The following COA6 variants were observed in gnomAD, a reference collection of about 807,000 sequenced individuals.
COA6 encodes cytochrome c oxidase assembly factor 6 homolog.
A neutral mutation model predicts 17.1 loss-of-function variants in COA6; 12 were observed. That is an observed-to-expected ratio of 0.70 (90% CI 0.45 to 1.14). COA6 has a LOEUF of 1.14. COA6 is among the 50% of genes most tolerant of loss of function. COA6 has a pLI of 0.00. For missense variants in COA6, 246 were observed against 196.5 expected, an observed-to-expected ratio of 1.25 and a Z score of -1.51; for synonymous variants, 90 against 73.4, an observed-to-expected ratio of 1.23 and a Z score of -1.16.
chr1:234,377,647 C>A (rs1361532865), intron 2 of COA6, among the ~76,000 whole-genome samples: 2 of 152,212 alleles, frequency 1.3e-5, no homozygotes, highest in African/African-American at 2.4e-5. Flanking sequence ...TGTCCAGCTT[C>A]ACTCTGATCC....
In COA6 at chr1:234,384,922, T is replaced by C. The variant is rs1659083724; in HGVS notation, c.*1104T>C. On this transcript the variant is annotated 3_prime_UTR_variant, in exon 3 of 3. Coordinates refer to ENST00000366615, the MANE Select transcript of COA6 (RefSeq NM_001206641.3). Reference sequence around the variant, plus strand: ...CATTAAAGTGAATATCACAATAGAGTGGGTTACACAAATGTTTTGGTTTTC... The same window carrying C: ...CATTAAAGTGAATATCACAATAGAGCGGGTTACACAAATGTTTTGGTTTTC... 1.3e-5 allele frequency among the ~76,000 whole-genome samples: 2 copies of C among 152,096 alleles called. No homozygotes were observed. The highest frequency in any genetic ancestry group is 4.8e-5 in the African/African-American group (2 of 41,414).
intron 1 of COA6, 132 bp downstream of exon 1, chr1:234,373,810 GC>G: frequency 6.2e-7 from 1 of 1,613,656 alleles, no homozygotes; most frequent in Non-Finnish European, 8.5e-7. Context: ...GGTGATTGTG[GC>G]CCCCACACAC....
chr1:234,381,025 A>G (rs1658957425), intron 2 of COA6, among the ~76,000 whole-genome samples: 1 of 152,164 alleles, frequency 6.6e-6, no homozygotes, highest in Admixed American at 6.5e-5. Context: ...AAAGGCTCCT[A>G]TTGTTCCTAA....
intron 1 of COA6, 118 bp from the exon 2 acceptor site, chr1:234,374,109 TTTG>T: frequency 4.5e-6 from 5 of 1,106,096 alleles, no homozygotes; most frequent in African/African-American, 2.6e-5. Flanking sequence ...TTGTTTTGTT[TTTG>T]TTTTTTTTTT....
rs1658870810 is a variant in COA6 at position 234,378,430 on chromosome 1, C to G, written c.372+4041C>G. Among the ~76,000 whole-genome samples the G allele has an allele frequency of 4.6e-5, 7 of 152,136 alleles. No individual in the cohort carries two copies. The South Asian group carries it at 1.4e-3, about 32-fold the overall frequency. On this transcript the variant is annotated intron_variant, in intron 2 of 2. Transcript: ENST00000366615. ...GGTGATAAGTGATAGGATGAAAAAT[C>G]AAACAAGGGTACAGGTTTAAGTAGG...
At position 234,375,161 on chromosome 1, in the gene COA6, C is replaced by T. The variant is rs534957233; in HGVS notation, c.372+772C>T. Among the ~76,000 whole-genome samples the T allele has an allele frequency of 4.3e-4, 64 of 149,030 alleles. 1 individual carries two copies. The highest frequency in any genetic ancestry group is 1.6e-3 in the African/African-American group (63 of 40,518). On this transcript the variant is annotated intron_variant, in intron 2 of 2. Coordinates refer to ENST00000366615, the MANE Select transcript of COA6 (RefSeq NM_001206641.3). Reference sequence around the variant, plus strand: ...AAAAAAAAAAAAAAAAATAGCTGGGCATGGTGGCACATGCCTCTAATCCCA... The same window carrying T: ...AAAAAAAAAAAAAAAAATAGCTGGGTATGGTGGCACATGCCTCTAATCCCA...
At chr1:234,378,396 A>C (rs1204846283) in intron 2 of COA6, among the ~76,000 whole-genome samples, 2 of 152,204 alleles carry the variant, frequency 1.3e-5, no homozygotes, top group African/African-American at 4.8e-5. Context: ...AATTAAAAGG[A>C]TGTTATATGG....
At chr1:234,379,510 G>A (rs1238394126) in intron 2 of COA6, among the ~76,000 whole-genome samples, 1 of 152,186 alleles carries the variant, frequency 6.6e-6, no homozygotes, top group Non-Finnish European at 1.5e-5. Context: ...TGTGGACATT[G>A]AAATTACCCG....
intron 1 of COA6, 146 bp downstream of exon 1, chr1:234,373,824 G>A (rs1217014245): frequency 3.1e-6 from 5 of 1,613,634 alleles, no homozygotes; most frequent in Non-Finnish European, 3.4e-6. Flanking sequence ...CCACACACCT[G>A]TTTCTACAGC....
rs1659079971 is a variant in COA6, at chr1:234,384,767, G to A, written c.*949G>A. Reference sequence around the variant, plus strand: ...AAATTTTTGGGAAAAGGAAAAACGAGTAAAAATAATAAAAATTTAAAAATC... The same window carrying A: ...AAATTTTTGGGAAAAGGAAAAACGAATAAAAATAATAAAAATTTAAAAATC... On this transcript the variant is annotated 3_prime_UTR_variant, in exon 3 of 3. Transcript: ENST00000366615. Among the ~76,000 whole-genome samples, 1 of 152,032 alleles carries A rather than the reference G, an allele frequency of 6.6e-6. No homozygotes were observed. The highest frequency in any genetic ancestry group is 2.4e-5 in the African/African-American group (1 of 41,396).
intron 2 of COA6, among the ~76,000 whole-genome samples, chr1:234,377,832 G>A (rs928715859): frequency 6.6e-6 from 1 of 152,206 alleles, no homozygotes; most frequent in Non-Finnish European, 1.5e-5. Flanking sequence ...CTGGACAGAG[G>A]CCCAATAGTG....
intron 2 of COA6, among the ~76,000 whole-genome samples, chr1:234,379,651 A>C (rs1488578079): frequency 6.6e-6 from 1 of 152,204 alleles, no homozygotes; most frequent in Non-Finnish European, 1.5e-5. Context: ...AAAGAGGTTT[A>C]ATTGACTCAC....
chr1:234,383,078 G>GAAGGGAAGGA, intron 2 of COA6, among the ~76,000 whole-genome samples: 1 of 147,288 alleles, frequency 6.8e-6, no homozygotes, highest in Non-Finnish European at 1.5e-5. Context: ...GAAGGGAATG[G>GAAGGGAAGGA]AAGGAAGGGA....
chr1:234,382,347 C>A (rs1658998961), intron 2 of COA6, among the ~76,000 whole-genome samples: 1 of 152,148 alleles, frequency 6.6e-6, no homozygotes, highest in Non-Finnish European at 1.5e-5. Flanking sequence ...ATCTTCTAGA[C>A]AAAAGTGGGA....
intron 1 of COA6, 123 bp downstream of exon 1, chr1:234,373,801 G>A (rs1445205343): frequency 1.2e-6 from 2 of 1,613,628 alleles, no homozygotes; most frequent in Non-Finnish European, 1.7e-6. Context: ...CGCCTGCTTG[G>A]TGATTGTGGC....
chr1:234,374,709 T>C (rs1173494410), intron 2 of COA6, among the ~76,000 whole-genome samples: 1 of 152,080 alleles, frequency 6.6e-6, no homozygotes, highest in African/African-American at 2.4e-5. Flanking sequence ...TGGGCAGGAG[T>C]TGGCAAAATT....
chr1:234,374,253 C>T lies in COA6; in HGVS notation c.236C>T (p.Ala79Val), dbSNP rs370690647. Reference sequence around the variant, plus strand: ...AGCTTCATCGCAGTAGGAATGGCAGCCCCATCTATGAAGGAAAGACAGGTC... The same window carrying T: ...AGCTTCATCGCAGTAGGAATGGCAGTCCCATCTATGAAGGAAAGACAGGTC... ...AESFIAVGMA[A>V]PSMKERQVCW... The change falls in exon 2 of 3, where the codon GCC (alanine) becomes GTC (valine). Residue 79 changes from alanine (A) to valine (V), a missense_variant. Coordinates refer to ENST00000366615, the MANE Select transcript of COA6 (RefSeq NM_001206641.3). The T allele has an allele frequency of 4.3e-6, 7 of 1,612,694 alleles. No homozygotes were observed. In the African/African-American group the frequency reaches 5.3e-5, roughly 12 times the overall value.
chr1:234,378,616 G>A (rs188126001), intron 2 of COA6, among the ~76,000 whole-genome samples: 59 of 152,312 alleles, frequency 3.9e-4, no homozygotes, highest in African/African-American at 1.3e-3. Flanking sequence ...GCTCATGCCT[G>A]TAATCCCAGC....
chr1:234,382,353 T>TG (rs1159488439), intron 2 of COA6, among the ~76,000 whole-genome samples: 1 of 152,196 alleles, frequency 6.6e-6, no homozygotes, highest in Non-Finnish European at 1.5e-5. Flanking sequence ...TAGACAAAAG[T>TG]GGGATGTTTC....
Sources: gnomAD v4.1 joint callset for allele counts (sites outside exome capture counted in the v4.1 genomes callset) on GRCh38, gnomAD v4.1.1 for gene constraint, MANE v1.5 for transcripts, NCBI Gene and HGNC (gene_info 2026-07-23, HGNC 2026-07-21) for gene names.